Variants in TRABD2B observed in about 807,000 individuals in gnomAD.
The protein encoded by TRABD2B is TraB domain containing 2B, also known as metalloprotease TIKI2.
TRABD2B carries 14 observed loss-of-function variants against 40.1 expected under a neutral mutation model. The observed-to-expected ratio is 0.35, with a 90% CI of 0.23 to 0.55. The LOEUF is 0.55. TRABD2B is among the 20% of genes least tolerant of loss of function. The pLI is 0.90. For missense variants in TRABD2B, 541 were observed against 648.6 expected, an observed-to-expected ratio of 0.83 and a Z score of 1.80; for synonymous variants, 263 against 277.0, an observed-to-expected ratio of 0.95 and a Z score of 0.50.
intron 6 of TRABD2B, among the ~76,000 whole-genome samples, chr1:47,772,929 G>A (rs78681809): frequency 0.015 from 2,308 of 152,326 alleles, 84 homozygotes; most frequent in Admixed American, 0.088. Flanking sequence ...TTTACCTGTG[G>A]GGACAGAAAA....
chr1:47,867,367 C>T lies in TRABD2B; in HGVS notation c.667-65748G>A, dbSNP rs114667264. On this transcript the variant is annotated intron_variant, in intron 2 of 6. Transcript: ENST00000606738. ...AACAAAGTGTGGGCTGCACGTGCTGCTTCCTCGTGGGTGACTTGAGTCAAG... is the reference window on the plus strand; with the variant it reads ...AACAAAGTGTGGGCTGCACGTGCTGTTTCCTCGTGGGTGACTTGAGTCAAG... 4.8e-3 allele frequency among the ~76,000 whole-genome samples: 731 copies of T among 152,308 alleles called. 6 individuals carry two copies. The highest frequency in any genetic ancestry group is 0.017 in the African/African-American group (689 of 41,572).
At chr1:47,866,797 G>C (rs1229376547) in intron 2 of TRABD2B, among the ~76,000 whole-genome samples, 2 of 152,164 alleles carry the variant, frequency 1.3e-5, no homozygotes, top group Non-Finnish European at 2.9e-5. Context: ...GCCTGTCCAA[G>C]CCTGTTATTC....
chr1:47,857,740 G>C (rs4926655), intron 2 of TRABD2B, among the ~76,000 whole-genome samples: 3,585 of 152,222 alleles, frequency 0.024, 113 homozygotes, highest in Admixed American at 0.095. Context: ...CCTACTTCTA[G>C]GTGGTCTACT....
intron 1 of TRABD2B, among the ~76,000 whole-genome samples, chr1:47,995,717 G>A (rs538585608): frequency 2.6e-5 from 4 of 152,218 alleles, no homozygotes; most frequent in Non-Finnish European, 5.9e-5. Context: ...TGAAAAGTAT[G>A]TGTTGGGATG....
intron 2 of TRABD2B, among the ~76,000 whole-genome samples, chr1:47,904,036 A>C (rs1428260842): frequency 2.6e-5 from 4 of 152,130 alleles, no homozygotes; most frequent in African/African-American, 9.7e-5. Flanking sequence ...CATCCTGGGG[A>C]AGAAAAGAGA....
chr1:47,944,821 C>A (rs550760039), intron 2 of TRABD2B, among the ~76,000 whole-genome samples: 1 of 152,200 alleles, frequency 6.6e-6, no homozygotes, highest in South Asian at 2.1e-4. Context: ...TCCAGAACAC[C>A]AAGGAGGAAA....
At chr1:47,983,045 G>A (rs1452330787) in intron 2 of TRABD2B, among the ~76,000 whole-genome samples, 1 of 152,198 alleles carries the variant, frequency 6.6e-6, no homozygotes, top group Non-Finnish European at 1.5e-5. Context: ...AATGTTCACT[G>A]CAGCACTATT....
intron 2 of TRABD2B, among the ~76,000 whole-genome samples, chr1:47,847,601 C>T (rs1025573741): frequency 1.3e-5 from 2 of 152,186 alleles, no homozygotes; most frequent in Admixed American, 6.5e-5. Flanking sequence ...CGGAACTGAG[C>T]TCAGTATTCC....
In TRABD2B at chr1:47,763,836, C is replaced by T. The variant is rs1644269881; in HGVS notation, c.*2066G>A. On this transcript the variant is annotated 3_prime_UTR_variant, in exon 7 of 7. Coordinates refer to ENST00000606738, the MANE Select transcript of TRABD2B (RefSeq NM_001194986.2). Reference sequence around the variant, plus strand: ...ATCCGTTTGATGTCCAACTTCTGAGCCTGCTTTATAAGTCAGCTAAGCCCC... The same window carrying T: ...ATCCGTTTGATGTCCAACTTCTGAGTCTGCTTTATAAGTCAGCTAAGCCCC... 6.6e-6 allele frequency: 1 copy of T among 152,250 alleles called. No homozygotes were observed. Among genetic ancestry groups the T allele is most frequent in the Non-Finnish European group, 1.5e-5 (1 of 68,058 alleles). The allele number at this position is 152,250 out of a possible 1,614,324, so 9.4% of individuals were successfully genotyped here.
At chr1:47,940,420 T>C (rs1328595477) in intron 2 of TRABD2B, among the ~76,000 whole-genome samples, 2 of 152,344 alleles carry the variant, frequency 1.3e-5, no homozygotes, top group Admixed American at 6.5e-5. Flanking sequence ...GGACAGGGAC[T>C]ATTATTATAT....
chr1:47,794,820 G>A, intron 3 of TRABD2B, 60 bp from the exon 4 acceptor site: 2 of 1,352,100 alleles, frequency 1.5e-6, no homozygotes, highest in South Asian at 3.1e-5. Flanking sequence ...TTTGATAAAG[G>A]GTGTTACTGT....
intron 2 of TRABD2B, among the ~76,000 whole-genome samples, chr1:47,888,451 T>G (rs1275101803): frequency 6.6e-6 from 1 of 152,210 alleles, no homozygotes; most frequent in African/African-American, 2.4e-5. Flanking sequence ...CATACAAGGC[T>G]GGGCACTGGC....
At chr1:47,901,642 A>G (rs1396784498) in intron 2 of TRABD2B, among the ~76,000 whole-genome samples, 1 of 152,226 alleles carries the variant, frequency 6.6e-6, no homozygotes, top group Non-Finnish European at 1.5e-5. Context: ...GGTCTAATGG[A>G]AGCAACAGGT....
At chr1:47,966,904 C>CAAATA (rs59311312) in intron 2 of TRABD2B, among the ~76,000 whole-genome samples, 69,595 of 128,504 alleles carry the variant, frequency 0.54, 19,782 homozygotes, top group Middle Eastern at 0.66. Context: ...GACTCTGTCT[C>CAAATA]AAATAAAATA....
intron 3 of TRABD2B, among the ~76,000 whole-genome samples, chr1:47,798,410 G>T (rs1405946317): frequency 6.6e-6 from 1 of 152,244 alleles, no homozygotes; most frequent in Non-Finnish European, 1.5e-5. Flanking sequence ...AGGCTTCCAA[G>T]GGGAAGGCCT....
At chr1:47,869,714 G>A (rs937876846) in intron 2 of TRABD2B, among the ~76,000 whole-genome samples, 2 of 152,242 alleles carry the variant, frequency 1.3e-5, no homozygotes, top group Non-Finnish European at 2.9e-5. Flanking sequence ...ATGGCCATCA[G>A]ATAGCGCTCA....
chr1:47,775,180 T>C lies in TRABD2B; in HGVS notation c.1339A>G (p.Ile447Val). 8.1e-7 allele frequency: 1 copy of C among 1,235,814 alleles called. No homozygotes were observed. The highest frequency in any genetic ancestry group is 1.0e-6 in the Non-Finnish European group (1 of 989,408). The allele number at this position is 1,235,814 out of a possible 1,614,324, so 76.6% of individuals were successfully genotyped here. A position where few individuals can be genotyped will look rare whatever the true frequency, so the allele number is the denominator to read the frequency against. The change falls in exon 6 of 7, where the codon ATC becomes GTC. Residue 447 changes from isoleucine (I) to valine (V), a missense_variant. This residue lies in a region of TRABD2B where 172 missense variants were observed against 155.8 expected (regional missense o/e 1.10). Transcript: ENST00000606738. ...CCCTCCCTGGCTCACCTGTCCTCGA[T>C]GCGGACCCAGAGGTCATTGAACTGC... ...PRQFNDLWVR[I>V]EDSTTASPPP...
At chr1:47,870,645 A>C (rs1644127500) in intron 2 of TRABD2B, among the ~76,000 whole-genome samples, 1 of 152,212 alleles carries the variant, frequency 6.6e-6, no homozygotes, top group South Asian at 2.1e-4. Context: ...TGCTTGTGTT[A>C]GTGACACAAA....
intron 2 of TRABD2B, among the ~76,000 whole-genome samples, chr1:47,828,820 C>G (rs1029997477): frequency 6.6e-6 from 1 of 152,212 alleles, no homozygotes; most frequent in Admixed American, 6.5e-5. Flanking sequence ...GTTTTAGACT[C>G]TCACGTGACA....
Sources: allele counts gnomAD v4.1 joint callset (sites outside exome capture counted in the v4.1 genomes callset), GRCh38; gene constraint gnomAD v4.1.1; regional missense constraint gnomAD v4.1.1; transcripts MANE v1.5; gene names NCBI Gene and HGNC (gene_info 2026-07-23, HGNC 2026-07-21).